LPAR1: variants seen among roughly 807,000 people sequenced by gnomAD.
LPAR1 encodes LPA receptor 1.
Under a neutral mutation model 23.8 loss-of-function variants are expected in LPAR1, and 5 were observed. The observed-to-expected ratio is 0.21, with a 90% CI of 0.11 to 0.44. LPAR1 has a LOEUF of 0.44. LPAR1 is among the 20% of genes least tolerant of loss of function. LPAR1 has a pLI of 0.99. For synonymous variants in LPAR1, 160 were observed against 164.7 expected, an observed-to-expected ratio of 0.97 and a Z score of 0.22; for missense variants, 311 against 482.8, an observed-to-expected ratio of 0.64 and a Z score of 3.33.
chr9:110,930,172 A>C (rs2094312781), intron 5 of LPAR1, among the ~76,000 whole-genome samples: 1 of 152,196 alleles, frequency 6.6e-6, no homozygotes, highest in Non-Finnish European at 1.5e-5. Context: ...CATACACGTC[A>C]CTGTCAATCC....
intron 5 of LPAR1, among the ~76,000 whole-genome samples, chr9:110,910,211 G>A (rs1216550534): frequency 6.6e-6 from 1 of 152,012 alleles, no homozygotes; most frequent in Admixed American, 6.6e-5. Context: ...TAAAGCGGCT[G>A]GTGTGTCTTT....
At chr9:110,889,190 T>C (rs966281006) in intron 5 of LPAR1, among the ~76,000 whole-genome samples, 1 of 152,042 alleles carries the variant, frequency 6.6e-6, no homozygotes, top group South Asian at 2.1e-4. Context: ...TGAAACCCTG[T>C]CTCTACTAAA....
At chr9:111,011,656 G>A (rs1002994221) in intron 2 of LPAR1, among the ~76,000 whole-genome samples, 1 of 151,958 alleles carries the variant, frequency 6.6e-6, no homozygotes, top group African/African-American at 2.4e-5. Context: ...CTGAGAACAC[G>A]ACAGCTGATT....
At chr9:110,992,206 C>T (rs1208440054) in intron 2 of LPAR1, among the ~76,000 whole-genome samples, 1 of 151,910 alleles carries the variant, frequency 6.6e-6, no homozygotes, top group African/African-American at 2.4e-5. Context: ...CAAAAAGGGG[C>T]AAAAGATTGG....
At chr9:110,954,141 A>G (rs1283023913) in intron 4 of LPAR1, among the ~76,000 whole-genome samples, 3 of 152,200 alleles carry the variant, frequency 2.0e-5, no homozygotes, top group Non-Finnish European at 2.9e-5. Context: ...AAATCTTGGT[A>G]CTAAAGAATT....
At chr9:110,885,528 A>G (rs61108874) in intron 5 of LPAR1, among the ~76,000 whole-genome samples, 31,707 of 152,128 alleles carry the variant, frequency 0.21, 5,463 homozygotes, top group African/African-American at 0.48. Flanking sequence ...CAGCACAACC[A>G]CCTAATTAGA....
At chr9:111,025,993 A>T (rs1336764671) in intron 2 of LPAR1, among the ~76,000 whole-genome samples, 1 of 152,052 alleles carries the variant, frequency 6.6e-6, no homozygotes, top group Non-Finnish European at 1.5e-5. Context: ...TTTGCTCAGG[A>T]CTGTCTTGGC....
intron 4 of LPAR1, among the ~76,000 whole-genome samples, chr9:110,945,573 G>T (rs2095342872): frequency 6.6e-6 from 1 of 152,144 alleles, no homozygotes; most frequent in South Asian, 2.1e-4. Flanking sequence ...CACAAAAATA[G>T]TTTTTTATTG....
intron 5 of LPAR1, among the ~76,000 whole-genome samples, chr9:110,936,589 A>AG (rs1171237680): frequency 6.6e-6 from 1 of 152,236 alleles, no homozygotes; most frequent in Non-Finnish European, 1.5e-5. Flanking sequence ...ACACAGGAAG[A>AG]GTAGGGCCGC....
chr9:111,000,354 T>C (rs2097105370), intron 2 of LPAR1, among the ~76,000 whole-genome samples: 1 of 152,188 alleles, frequency 6.6e-6, no homozygotes, highest in South Asian at 2.1e-4. Flanking sequence ...TCTCTTAGTA[T>C]TGACTTGTGA....
At chr9:110,996,332 C>G (rs2097003552) in intron 2 of LPAR1, among the ~76,000 whole-genome samples, 1 of 152,070 alleles carries the variant, frequency 6.6e-6, no homozygotes, top group African/African-American at 2.4e-5. Context: ...CAAGGCAGGA[C>G]AATCACTTGA....
chr9:111,012,147 T>C (rs781260215), intron 2 of LPAR1, among the ~76,000 whole-genome samples: 2 of 152,094 alleles, frequency 1.3e-5, no homozygotes, highest in Non-Finnish European at 2.9e-5. Flanking sequence ...ACTACTCAGG[T>C]AGCTGAGGTA....
At chr9:110,947,097 T>C (rs1304822950) in intron 4 of LPAR1, among the ~76,000 whole-genome samples, 1 of 152,138 alleles carries the variant, frequency 6.6e-6, no homozygotes, top group African/African-American at 2.4e-5. Context: ...AAGCAATACA[T>C]AGAATGACAA....
chr9:110,962,265 C>G (rs940945723), intron 4 of LPAR1, among the ~76,000 whole-genome samples: 2 of 152,188 alleles, frequency 1.3e-5, no homozygotes, highest in African/African-American at 4.8e-5. Context: ...GAGGTGAGCC[C>G]TGCACTATGA....
chr9:110,940,144 G>A (rs1262343005), intron 5 of LPAR1, among the ~76,000 whole-genome samples: 1 of 152,160 alleles, frequency 6.6e-6, no homozygotes, highest in Non-Finnish European at 1.5e-5. Flanking sequence ...GTTAGGCAGG[G>A]TTTTAGGTGT....
intron 5 of LPAR1, among the ~76,000 whole-genome samples, chr9:110,933,240 T>C (rs1001102340): frequency 6.6e-6 from 1 of 152,186 alleles, no homozygotes; most frequent in African/African-American, 2.4e-5. Flanking sequence ...TACTATGTCA[T>C]AGAAATGAAG....
chr9:110,980,825 G>A (rs150503558), intron 2 of LPAR1, among the ~76,000 whole-genome samples: 1,831 of 152,058 alleles, frequency 0.012, 25 homozygotes, highest in South Asian at 0.064. Context: ...TGAGGTGATG[G>A]ATATGTTAAT....
chr9:110,881,983 C>T (rs1278511713), intron 5 of LPAR1, among the ~76,000 whole-genome samples: 10 of 152,160 alleles, frequency 6.6e-5, no homozygotes, highest in Admixed American at 6.5e-4. Context: ...GTCTCAGGAT[C>T]TTTGCATTTA....
intron 4 of LPAR1, among the ~76,000 whole-genome samples, chr9:110,949,070 C>A (rs2095487767): frequency 6.6e-6 from 1 of 152,138 alleles, no homozygotes; most frequent in Non-Finnish European, 1.5e-5. Flanking sequence ...CTTAGACTAC[C>A]TGTCAAGTCT....
Sources: allele counts gnomAD v4.1 joint callset (sites outside exome capture counted in the v4.1 genomes callset), GRCh38; gene constraint gnomAD v4.1.1; transcripts MANE v1.5; gene names NCBI Gene and HGNC (gene_info 2026-07-23, HGNC 2026-07-21).